Variants in MPPED1 observed in about 807,000 individuals in gnomAD.
MPPED1 encodes metallophosphoesterase domain-containing protein 1.
In MPPED1, 16 loss-of-function variants were observed where a neutral mutation model predicts 36.2. That is an observed-to-expected ratio of 0.44 (90% CI 0.30 to 0.67). The LOEUF is 0.67. Ranked by LOEUF, MPPED1 falls within the 30% of genes least tolerant of loss-of-function variation. The pLI is 0.10. For synonymous variants in MPPED1, 199 were observed against 191.3 expected (o/e 1.04, Z -0.33); for missense variants, 307 against 453.4 (o/e 0.68, Z 2.93).
Position 43,412,091 on chromosome 22 carries a change from C to A in MPPED1, c.-146C>A. 7 of 979,674 alleles carry A rather than the reference C, an allele frequency of 7.1e-6. No individual in the cohort carries two copies. The highest frequency in any genetic ancestry group is 8.5e-6 in the Non-Finnish European group (7 of 827,696). 60.7% of individuals were successfully genotyped at this position (979,674 alleles called of 1,614,324 possible). A position where few individuals can be genotyped will look rare whatever the true frequency, so the allele number is the denominator to read the frequency against. ...CCCTGCGCGCCTCCCTCCCGGGAGCCCCTGCCTCCCTCGGTGCGCGCTGCT... is the reference window on the plus strand; with the variant it reads ...CCCTGCGCGCCTCCCTCCCGGGAGCACCTGCCTCCCTCGGTGCGCGCTGCT... On this transcript the variant is annotated 5_prime_UTR_variant, in exon 1 of 7. Transcript: ENST00000443721.
intron 5 of MPPED1, among the ~76,000 whole-genome samples, chr22:43,499,999 TGGCG>T (rs769648757): frequency 6.3e-4 from 25 of 39,556 alleles, no homozygotes; most frequent in East Asian, 2.3e-3. Flanking sequence ...GTGATGGAGG[TGGCG>T]GTGGTGATGG....
At chr22:43,463,816 T>C (rs1931046732) in intron 3 of MPPED1, among the ~76,000 whole-genome samples, 1 of 43,550 alleles carries the variant, frequency 2.3e-5, no homozygotes, top group Admixed American at 2.4e-4. Context: ...CTTTTCTTTC[T>C]TTCTTTCTTT....
chr22:43,464,730 C>T (rs1469650587), intron 3 of MPPED1, among the ~76,000 whole-genome samples: 2 of 152,202 alleles, frequency 1.3e-5, no homozygotes, highest in Non-Finnish European at 2.9e-5. Flanking sequence ...CTGGCCACAG[C>T]TCACCTTGCT....
intron 3 of MPPED1, among the ~76,000 whole-genome samples, chr22:43,442,779 G>A (rs1482527548): frequency 1.3e-5 from 2 of 152,208 alleles, no homozygotes; most frequent in Admixed American, 1.3e-4. Context: ...TCAATCAGAT[G>A]AGACCGTGTG....
chr22:43,500,359 A>T (rs868646742), intron 5 of MPPED1, among the ~76,000 whole-genome samples: 64 of 48,510 alleles, frequency 1.3e-3, no homozygotes, highest in Admixed American at 1.9e-3. Context: ...ATGGTGATGG[A>T]GGTGGTGATG....
rs1451740326 is a variant in MPPED1 at position 43,495,526 on chromosome 22, G to A, written c.633-2709G>A. 1.9e-3 allele frequency among the ~76,000 whole-genome samples: 250 copies of A among 129,388 alleles called. 10 individuals are homozygous for A. The highest frequency in any genetic ancestry group is 6.3e-3 in the African/African-American group (217 of 34,532). The allele number at this position is 129,388 out of a possible 152,430, so 84.9% of individuals were successfully genotyped here. The stretch of plus-strand genomic sequence containing the variant: ...TGGAGGTGGTGGTGGTGGTGGAGGT[G>A]GTGGTGGTGGAGATGGTGGTGGTGG... On this transcript the variant is annotated intron_variant, in intron 4 of 6. Coordinates refer to ENST00000443721, the MANE Select transcript of MPPED1 (RefSeq NM_001044370.2).
At chr22:43,431,883 G>A (rs1929699927) in intron 2 of MPPED1, among the ~76,000 whole-genome samples, 1 of 152,224 alleles carries the variant, frequency 6.6e-6, no homozygotes, top group Non-Finnish European at 1.5e-5. Flanking sequence ...GGATGACTAG[G>A]TCTGCCTCTT....
intron 3 of MPPED1, among the ~76,000 whole-genome samples, chr22:43,451,793 C>A (rs543382785): frequency 2.0e-4 from 30 of 152,200 alleles, no homozygotes; most frequent in Non-Finnish European, 4.4e-4. Context: ...AGGCCTCTGG[C>A]GGGGACCCCA....
At chr22:43,461,021 T>C (rs1930939902) in intron 3 of MPPED1, among the ~76,000 whole-genome samples, 1 of 152,152 alleles carries the variant, frequency 6.6e-6, no homozygotes, top group Admixed American at 6.5e-5. Flanking sequence ...AACAAATACT[T>C]TGGGGCTAGG....
intron 4 of MPPED1, 42 bp from the exon 5 acceptor site, chr22:43,498,193 C>G: frequency 3.4e-6 from 5 of 1,489,502 alleles, no homozygotes; most frequent in South Asian, 1.2e-5. Context: ...CCACCCTGTA[C>G]TTTCACCCGC....
intron 4 of MPPED1, among the ~76,000 whole-genome samples, chr22:43,485,032 C>T (rs1931866712): frequency 1.3e-5 from 2 of 152,176 alleles, no homozygotes; most frequent in South Asian, 4.1e-4. Context: ...CACTCACACA[C>T]ACACATATTC....
intron 3 of MPPED1, among the ~76,000 whole-genome samples, chr22:43,460,257 ACCCAAAC>A (rs1358079039): frequency 1.6e-5 from 2 of 124,586 alleles, no homozygotes; most frequent in African/African-American, 6.5e-5. Context: ...ACAAAAACAA[ACCCAAAC>A]CCCCCCCCCC....
At chr22:43,471,319 C>G (rs1011326956) in intron 3 of MPPED1, among the ~76,000 whole-genome samples, 1 of 152,174 alleles carries the variant, frequency 6.6e-6, no homozygotes, top group Non-Finnish European at 1.5e-5. Context: ...TGGTGGCCAC[C>G]CCCAACCCGA....
intron 3 of MPPED1, among the ~76,000 whole-genome samples, chr22:43,453,924 A>T (rs1930661858): frequency 6.6e-6 from 1 of 152,162 alleles, no homozygotes; most frequent in South Asian, 2.1e-4. Flanking sequence ...AATGGAAATG[A>T]TCCATTAAAC....
intron 3 of MPPED1, among the ~76,000 whole-genome samples, chr22:43,439,115 G>T (rs1005351609): frequency 6.6e-6 from 1 of 152,212 alleles, no homozygotes; most frequent in Non-Finnish European, 1.5e-5. Context: ...AATTCCTGCG[G>T]ACTCTAACTT....
At chr22:43,495,019 C>A (rs930360380) in intron 4 of MPPED1, among the ~76,000 whole-genome samples, 7 of 152,188 alleles carry the variant, frequency 4.6e-5, no homozygotes, top group African/African-American at 1.7e-4. Context: ...GAGACCCCAC[C>A]TCCTAGTACT....
chr22:43,505,042 G>T (rs980171219), intron 6 of MPPED1, among the ~76,000 whole-genome samples: 2 of 151,892 alleles, frequency 1.3e-5, no homozygotes, highest in African/African-American at 4.8e-5. Context: ...TGATAAGGGT[G>T]TTGGTGATGA....
At chr22:43,489,205 G>T (rs1932008672) in intron 4 of MPPED1, among the ~76,000 whole-genome samples, 1 of 152,144 alleles carries the variant, frequency 6.6e-6, no homozygotes, top group Admixed American at 6.5e-5. Flanking sequence ...AGCATGTGGG[G>T]AGGACCTCTT....
intron 2 of MPPED1, among the ~76,000 whole-genome samples, chr22:43,431,673 AC>A (rs972660896): frequency 3.3e-5 from 5 of 152,192 alleles, no homozygotes; most frequent in Non-Finnish European, 7.3e-5. Context: ...AAATGGGGCT[AC>A]CCATAGTACC....
Sources: allele counts gnomAD v4.1 joint callset (sites outside exome capture counted in the v4.1 genomes callset), GRCh38; gene constraint gnomAD v4.1.1; transcripts MANE v1.5; gene names NCBI Gene and HGNC (gene_info 2026-07-23, HGNC 2026-07-21).